MAP2K3: variants seen among roughly 807,000 people sequenced by gnomAD.
MAP2K3 encodes dual specificity mitogen-activated protein kinase kinase 3.
In MAP2K3, 30 loss-of-function variants were observed where a neutral mutation model predicts 46.4. The ratio of observed to expected loss-of-function variants is 0.65; its 90% confidence interval spans 0.48 to 0.88. The LOEUF is 0.88. MAP2K3 is among the 40% of genes least tolerant of loss of function. The pLI, the probability that MAP2K3 is intolerant of heterozygous loss-of-function variation, is 0.00. For missense variants in MAP2K3, 380 were observed against 464.5 expected (o/e 0.82, Z 1.67); for synonymous variants, 189 against 176.3 (o/e 1.07, Z -0.57).
chr17:21,303,074 G>A (rs1212078115), intron 6 of MAP2K3, 109 bp from the exon 7 acceptor site: 10 of 1,433,220 alleles, frequency 7.0e-6, no homozygotes, highest in African/African-American at 1.4e-5. Context: ...CCTGTGCAGC[G>A]GGAGCGGGAG....
At chr17:21,298,268 G>A (rs1195077738) in intron 1 of MAP2K3, 145 bp from the exon 2 acceptor site, 66 of 1,205,862 alleles carry the variant, frequency 5.5e-5, no homozygotes, top group East Asian at 7.0e-5. Flanking sequence ...AAGGCCTAAC[G>A]GCCTGGCTTG....
chr17:21,298,210 G>A, intron 1 of MAP2K3: 1 of 793,052 alleles, frequency 1.3e-6, no homozygotes, highest in South Asian at 1.4e-5. Flanking sequence ...GCCTGGGTCT[G>A]TCCTGCTCTG....
At chr17:21,294,010 C>T (rs1487349367) in intron 1 of MAP2K3, among the ~76,000 whole-genome samples, 23 of 152,296 alleles carry the variant, frequency 1.5e-4, no homozygotes, top group Non-Finnish European at 2.8e-4. Flanking sequence ...TGGCACCTGT[C>T]CTGGGGAGAG....
chr17:21,292,734 G>A (rs571573443), intron 1 of MAP2K3, among the ~76,000 whole-genome samples: 54 of 152,394 alleles, frequency 3.5e-4, no homozygotes, highest in African/African-American at 1.2e-3. Flanking sequence ...TAATCCTTCT[G>A]CCTTGGCCTC....
chr17:21,297,343 C>T (rs935169840), intron 1 of MAP2K3, among the ~76,000 whole-genome samples: 1 of 152,312 alleles, frequency 6.6e-6, no homozygotes, highest in Non-Finnish European at 1.5e-5. Context: ...GGTGAGCCAG[C>T]AGCAGGGAGT....
In MAP2K3 at chr17:21,304,467, G is replaced by A. The variant is rs377202574; in HGVS notation, c.610G>A (p.Val204Met). ...SNVLINKEGHVKMCDFGISGY... is the reference protein window; with the variant it reads ...SNVLINKEGHMKMCDFGISGY... ...TGTCCTTATCAACAAGGAGGGCCAT[G>A]TGAAGATGTGTGACTTTGGCATCAG... is the stretch of plus-strand genomic sequence containing the variant. Residue 204 changes from valine (V) to methionine (M), a missense_variant, in exon 8 of 12, where the codon GTG (valine) becomes ATG (methionine). Val to Met is a conservative substitution (Grantham distance 21). Coordinates refer to ENST00000342679, the MANE Select transcript of MAP2K3 (RefSeq NM_145109.3). 70 of 1,614,120 alleles carry A rather than the reference G, an allele frequency of 4.3e-5. No individual in the cohort carries two copies. The highest frequency in any genetic ancestry group is 5.8e-5 in the Non-Finnish European group (68 of 1,179,992).
At chr17:21,312,671 C>T (rs1038230142) in intron 10 of MAP2K3, among the ~76,000 whole-genome samples, 1 of 152,138 alleles carries the variant, frequency 6.6e-6, no homozygotes, top group African/African-American at 2.4e-5. Flanking sequence ...AATCCCAGCA[C>T]TTTGGGAGGC....
At chr17:21,285,213 G>A in intron 1 of MAP2K3, 1 of 984,334 alleles carries the variant, frequency 1.0e-6, no homozygotes, top group Non-Finnish European at 1.2e-6. Context: ...CCCAGACTAG[G>A]ACTTTGTTCT....
chr17:21,301,047 C>G, intron 5 of MAP2K3, 54 bp downstream of exon 5: 1 of 1,612,720 alleles, frequency 6.2e-7, no homozygotes, highest in Non-Finnish European at 8.5e-7. Flanking sequence ...CATCAGTCGC[C>G]TGCAACCCAC....
chr17:21,304,409 A>G lies in MAP2K3; in HGVS notation c.569-17A>G, dbSNP rs999713539. On this transcript the variant is annotated splice_polypyrimidine_tract_variant and intron_variant, in intron 7 of 11. Coordinates refer to ENST00000342679, the MANE Select transcript of MAP2K3 (RefSeq NM_145109.3). Reference sequence around the variant, plus strand: ...CGTGCTCCACAGACGTGGCTGAGGCATGTCCCTCCCTGGCAGATGTGAAGC... The same window carrying G: ...CGTGCTCCACAGACGTGGCTGAGGCGTGTCCCTCCCTGGCAGATGTGAAGC... 1.9e-6 allele frequency: 3 copies of G among 1,614,302 alleles called. No individual in the cohort carries two copies. The highest frequency in any genetic ancestry group is 2.2e-5 in the East Asian group (1 of 44,896).
chr17:21,284,872 C>A lies in MAP2K3; in HGVS notation c.-49C>A. On this transcript the variant is annotated 5_prime_UTR_variant, in exon 1 of 12. Transcript: ENST00000342679. The stretch of plus-strand genomic sequence containing the variant: ...GAGCGTGCTCGGCCCCGGTGGAGCC[C>A]GCAGTCCTCTAGATTAGTCTCCACC... The A allele has an allele frequency of 6.3e-7, 1 of 1,597,872 alleles. No individual in the cohort carries two copies. Among genetic ancestry groups the A allele is most frequent in the African/African-American group, 1.3e-5 (1 of 74,448 alleles).
At chr17:21,289,395 G>C (rs917348288) in intron 1 of MAP2K3, among the ~76,000 whole-genome samples, 3 of 151,946 alleles carry the variant, frequency 2.0e-5, no homozygotes, top group Non-Finnish European at 2.9e-5. Flanking sequence ...AAGCAAGAGG[G>C]CCTGGGGTCA....
intron 1 of MAP2K3, chr17:21,288,202 G>T: frequency 2.4e-6 from 2 of 818,534 alleles, no homozygotes; most frequent in Non-Finnish European, 3.5e-6. Context: ...GGGGTTACGT[G>T]TCCTGCAGGT....
chr17:21,301,486 G>A (rs1976597420), intron 5 of MAP2K3, among the ~76,000 whole-genome samples: 1 of 152,312 alleles, frequency 6.6e-6, no homozygotes, highest in South Asian at 2.1e-4. Flanking sequence ...GGGAGGCCGG[G>A]AGCCTAGGCG....
intron 1 of MAP2K3, among the ~76,000 whole-genome samples, chr17:21,286,232 G>C (rs1340735305): frequency 6.6e-6 from 1 of 152,246 alleles, no homozygotes; most frequent in Non-Finnish European, 1.5e-5. Flanking sequence ...CACACATCTC[G>C]CTATTGTTTC....
At chr17:21,308,142 C>T (rs1289188879) in intron 9 of MAP2K3, among the ~76,000 whole-genome samples, 1 of 147,866 alleles carries the variant, frequency 6.8e-6, no homozygotes, top group African/African-American at 2.5e-5. Context: ...AGGGGTGAGC[C>T]ACTGTGCCTG....
intron 4 of MAP2K3, 55 bp from the exon 5 acceptor site, chr17:21,300,819 G>A: frequency 6.2e-7 from 1 of 1,613,312 alleles, no homozygotes; most frequent in Non-Finnish European, 8.5e-7. Context: ...CCTGTCATGA[G>A]TGTGGGTGTT....
In MAP2K3 at chr17:21,305,596, G is replaced by A. The variant is rs577967848; in HGVS notation, c.774+468G>A. ...GGAAGCCAAAGGCATCCCTGGCTTG[G>A]GTAGGGTGAGGGCAGATGTGGCAGA... On this transcript the variant is annotated intron_variant, in intron 9 of 11. Transcript: ENST00000342679. Among the ~76,000 whole-genome samples the A allele has an allele frequency of 9.2e-3, 1,403 of 152,322 alleles. 3 individuals are homozygous for A. The highest frequency in any genetic ancestry group is 0.032 in the African/African-American group (1,321 of 41,554).
At chr17:21,301,084 G>C (rs1237690609) in intron 5 of MAP2K3, 91 bp downstream of exon 5, 1 of 1,597,304 alleles carries the variant, frequency 6.3e-7, no homozygotes, top group East Asian at 2.2e-5. Flanking sequence ...CAGTACGCCA[G>C]GTGCTGGGGA....
Sources: allele counts gnomAD v4.1 joint callset (sites outside exome capture counted in the v4.1 genomes callset), GRCh38; gene constraint gnomAD v4.1.1; transcripts MANE v1.5; gene names NCBI Gene and HGNC (gene_info 2026-07-23, HGNC 2026-07-21).